B4GALT1: variants seen among roughly 807,000 people sequenced by gnomAD.
B4GALT1 encodes the protein beta-1,4-galactosyltransferase 1, also known as N-acetyllactosamine synthase.
In B4GALT1, 16 loss-of-function variants were observed where a neutral mutation model predicts 34.9. That is an observed-to-expected ratio of 0.46 (90% confidence interval 0.31 to 0.70). The LOEUF (loss-of-function observed/expected upper bound fraction) is 0.70, where lower values mean the gene tolerates loss of function less well. B4GALT1 is among the 30% of genes least tolerant of loss of function. B4GALT1 has a pLI of 0.05. For synonymous variants in B4GALT1, 221 were observed against 218.1 expected, an observed-to-expected ratio of 1.01 and a Z score of -0.12; for missense variants, 445 against 530.5, an observed-to-expected ratio of 0.84 and a Z score of 1.58.
chr9:33,122,545 G>A (rs1215678188), intron 2 of B4GALT1, among the ~76,000 whole-genome samples: 2 of 151,856 alleles, frequency 1.3e-5, no homozygotes. Flanking sequence ...ACCAAGACCT[G>A]GAAACTGGCA....
Position 33,112,183 on chromosome 9 carries a change from G to C in B4GALT1, c.*1271C>G, listed in dbSNP as rs533509723. On this transcript the variant is annotated 3_prime_UTR_variant, in exon 6 of 6. Coordinates refer to ENST00000379731, the MANE Select transcript of B4GALT1 (RefSeq NM_001497.4). The stretch of plus-strand genomic sequence containing the variant: ...GTGGCTAGCAGAGCCTCTGAGGGAG[G>C]TGGCCCCCACCAGAACAGAGGCTCC... The C allele has an allele frequency of 1.2e-4, 19 of 152,492 alleles. No homozygotes were observed. The highest frequency in any genetic ancestry group is 4.6e-4 in the African/African-American group (19 of 41,576). 9.4% of individuals were successfully genotyped at this position (152,492 alleles called of 1,614,324 possible). A position where few individuals can be genotyped will look rare whatever the true frequency, so the allele number is the denominator to read the frequency against.
Position 33,167,110 on chromosome 9 carries a change from C to A in B4GALT1, c.60G>T (p.Gln20His). Reference sequence around the variant, plus strand: ...CGGCCACGAGCAGGCGGCAGGCCCGCTGTAGGGACGCGCCTGGCATCGCGG... The same window carrying A: ...CGGCCACGAGCAGGCGGCAGGCCCGATGTAGGGACGCGCCTGGCATCGCGG... ...GSAAMPGASL[Q>H]RACRLLVAVC... is the part of the protein sequence containing the mutation. Residue 20 changes from glutamine to histidine, a missense_variant, in exon 1 of 6, where the codon CAG becomes CAT. Physicochemically the swap from Gln to His is conservative, Grantham distance 24. Transcript: ENST00000379731. 6.2e-7 allele frequency: 1 copy of A among 1,604,642 alleles called. No individual in the cohort carries two copies. The highest frequency in any genetic ancestry group is 8.5e-7 in the Non-Finnish European group (1 of 1,178,292).
chr9:33,170,935 C>T (rs1564057658), upstream of B4GALT1, among the ~76,000 whole-genome samples: 1 of 152,238 alleles, frequency 6.6e-6, no homozygotes. Context: ...GGCATGGGGG[C>T]TTGGCCGTTG....
chr9:33,156,156 C>G (rs933651097), intron 1 of B4GALT1, among the ~76,000 whole-genome samples: 28 of 151,170 alleles, frequency 1.9e-4, no homozygotes, highest in African/African-American at 6.6e-4. Context: ...GAGGTGGAGA[C>G]AGAGTCTCAC....
Position 33,135,345 on chromosome 9 carries a change from G to A in B4GALT1, c.492C>T (p.Gly164=), listed in dbSNP as rs763365049. The A allele has an allele frequency of 6.2e-6, 10 of 1,614,062 alleles. No individual in the cohort carries two copies. The East Asian group carries it at 8.9e-5, about 14-fold the overall frequency. ...VAKQNPNVKM[G]GRYAPRDCVS... ...CGCAGTCCCTGGGGGCATAGCGGCC[G>A]CCCATCTTCACATTTGGGTTCTGCT... The change falls in exon 2 of 6, where the codon GGC becomes GGT. Residue 164 remains glycine (G), a synonymous_variant. Coordinates refer to ENST00000379731, the MANE Select transcript of B4GALT1 (RefSeq NM_001497.4).
chr9:33,152,556 TA>T (rs71970666), intron 1 of B4GALT1, among the ~76,000 whole-genome samples: 6,020 of 101,912 alleles, frequency 0.059, 148 homozygotes, highest in Non-Finnish European at 0.09. Context: ...AAAAAAAGGG[TA>T]AAAAAAAAAA....
downstream of B4GALT1, among the ~76,000 whole-genome samples, chr9:33,106,076 C>T (rs1196432588): frequency 6.6e-6 from 1 of 152,102 alleles, no homozygotes; most frequent in Non-Finnish European, 1.5e-5. Flanking sequence ...TACATTCCTA[C>T]CAGCAATGCA....
chr9:33,136,605 T>G (rs1227797822), intron 1 of B4GALT1, among the ~76,000 whole-genome samples: 1 of 152,238 alleles, frequency 6.6e-6, no homozygotes, highest in Admixed American at 6.5e-5. Context: ...TGAGAAGTTG[T>G]GCAGTCGAAA....
the B4GALT1 span, among the ~76,000 whole-genome samples, chr9:33,177,229 A>G: frequency 1.7e-3 from 265 of 152,310 alleles, 2 homozygotes; most frequent in East Asian, 0.048. Flanking sequence ...CCATGTTACT[A>G]CATGTTACTA....
At chr9:33,149,409 T>C (rs1840477787) in intron 1 of B4GALT1, among the ~76,000 whole-genome samples, 1 of 151,838 alleles carries the variant, frequency 6.6e-6, no homozygotes, top group South Asian at 2.1e-4. Context: ...GCCTCCTGAG[T>C]AGCTGGAACT....
intron 1 of B4GALT1, among the ~76,000 whole-genome samples, chr9:33,141,161 G>C (rs1840343423): frequency 6.6e-6 from 1 of 152,130 alleles, no homozygotes; most frequent in African/African-American, 2.4e-5. Flanking sequence ...GGTGGTATAG[G>C]GCATGCAGGG....
chr9:33,118,492 CTA>C (rs1839972830), intron 3 of B4GALT1, among the ~76,000 whole-genome samples: 1 of 150,746 alleles, frequency 6.6e-6, no homozygotes, highest in Non-Finnish European at 1.5e-5. Flanking sequence ...TGAGACATCT[CTA>C]AAAAAAAAAA....
chr9:33,172,652 T>C, the B4GALT1 span, among the ~76,000 whole-genome samples: 1 of 152,316 alleles, frequency 6.6e-6, no homozygotes, highest in East Asian at 1.9e-4. Context: ...GAGATACGGA[T>C]AGCTGGGTGC....
the B4GALT1 span, among the ~76,000 whole-genome samples, chr9:33,174,958 TAAAAAAAAAAAA>T: frequency 2.4e-3 from 32 of 13,350 alleles, no homozygotes; most frequent in African/African-American, 3.4e-3. Context: ...GACTCTGTCT[TAAAAAAAAAAAA>T]AAAAAAAAAA....
chr9:33,134,903 G>A (rs1840244157), intron 2 of B4GALT1, among the ~76,000 whole-genome samples: 1 of 152,082 alleles, frequency 6.6e-6, no homozygotes, highest in South Asian at 2.1e-4. Flanking sequence ...GAATAATTAG[G>A]GTTGTCTTTT....
intron 1 of B4GALT1, among the ~76,000 whole-genome samples, chr9:33,164,970 ATT>A (rs534464885): frequency 0.47 from 50,600 of 107,818 alleles, 11,282 homozygotes; most frequent in East Asian, 0.69. Flanking sequence ...GAGTGCCCGT[ATT>A]TTTTTTTTTT....
intron 2 of B4GALT1, among the ~76,000 whole-genome samples, chr9:33,129,700 TGAGCAGCCTGG>T (rs1431012725): frequency 2.8e-4 from 43 of 152,308 alleles, no homozygotes; most frequent in Middle Eastern, 3.4e-3. Context: ...CAGAAAGTTC[TGAGCAGCCTGG>T]GAGCAGCAGG....
the B4GALT1 span, among the ~76,000 whole-genome samples, chr9:33,184,838 A>G: frequency 6.6e-6 from 1 of 152,202 alleles, no homozygotes; most frequent in African/African-American, 2.4e-5. Context: ...CAATTATCCA[A>G]ATTAATTTTT....
intron 2 of B4GALT1, 63 bp downstream of exon 2, chr9:33,135,126 A>G: frequency 2.7e-6 from 4 of 1,495,932 alleles, no homozygotes; most frequent in Non-Finnish European, 3.7e-6. Flanking sequence ...CTCATTACAC[A>G]CACATCTGAT....
Sources: gnomAD v4.1 joint callset for allele counts (sites outside exome capture counted in the v4.1 genomes callset) on GRCh38, gnomAD v4.1.1 for gene constraint, MANE v1.5 for transcripts, NCBI Gene and HGNC (gene_info 2026-07-23, HGNC 2026-07-21) for gene names.